The following PEX5 variants were observed in gnomAD, a reference collection of about 807,000 sequenced individuals.
The protein encoded by PEX5 is peroxisomal biogenesis factor 5, also known as PTS1 receptor.
Under a neutral mutation model 82.9 loss-of-function variants are expected in PEX5, and 52 were observed. That is an observed-to-expected ratio of 0.63 (90% CI 0.50 to 0.79). The LOEUF (loss-of-function observed/expected upper bound fraction) is 0.79, where lower values mean the gene tolerates loss of function less well. Ranked by LOEUF, PEX5 falls within the 30% of genes least tolerant of loss-of-function variation. The pLI is 0.00. For missense variants in PEX5, 719 were observed against 815.2 expected (o/e 0.88, Z 1.44); for synonymous variants, 300 against 318.8 (o/e 0.94, Z 0.63).
At position 7,201,825 on chromosome 12, in the gene PEX5, A is replaced by G. The variant is rs748132358; in HGVS notation, c.626A>G (p.Lys209Arg). 8.7e-6 allele frequency: 14 copies of G among 1,612,596 alleles called. No homozygotes were observed. Among genetic ancestry groups the G allele is most frequent in the Non-Finnish European group, 1.2e-5 (14 of 1,178,780 alleles). ...SDFVAKVDDPKLANSEFLKFV... is the reference protein window; with the variant it reads ...SDFVAKVDDPRLANSEFLKFV... ...TTTGTGGCCAAAGTGGATGACCCCA[A>G]ATTGGCTAATTCTGAGGTGAGCCAC... The change falls in exon 7 of 16, where the codon AAA becomes AGA. Residue 209 changes from lysine to arginine, a missense_variant. By Grantham distance (26) the Lys-to-Arg change is conservative (BLOSUM62 2). Transcript: ENST00000675855.
rs140330381 is a variant in PEX5, at chr12:7,209,170, T to C, written c.1560T>C (p.Asn520=). Residue 520 remains asparagine (N), a splice_region_variant and synonymous_variant, in exon 14 of 16, where the codon AAT becomes AAC. Transcript: ENST00000675855. ...CAGCTGCCCTCAGCGTTCGTCCCAATGTGAGCCCAGGGGAGGAATGGAAAT... is the reference window on the plus strand; with the variant it reads ...CAGCTGCCCTCAGCGTTCGTCCCAACGTGAGCCCAGGGGAGGAATGGAAAT... ...CFTAALSVRP[N]DYLLWNKLGA... is the part of the protein sequence containing the mutation. 48 of 1,613,514 alleles carry C rather than the reference T, an allele frequency of 3.0e-5. No individual in the cohort carries two copies. The highest frequency in any genetic ancestry group is 3.4e-4 in the Middle Eastern group (2 of 5,896).
chr12:7,207,109 TAAG>T (rs1944902212), intron 10 of PEX5, among the ~76,000 whole-genome samples: 3 of 152,196 alleles, frequency 2.0e-5, no homozygotes, highest in African/African-American at 7.2e-5. Context: ...TCATGATTAT[TAAG>T]AATGAAATCG....
chr12:7,198,939 C>T, intron 5 of PEX5, 72 bp from the exon 6 acceptor site: 1 of 797,654 alleles, frequency 1.3e-6, no homozygotes, highest in Admixed American at 2.0e-5. Flanking sequence ...TGAATATGGG[C>T]ATCTCTTTCC....
intron 17 of PEX5, among the ~76,000 whole-genome samples, chr12:7,217,336 T>C (rs1565734139): frequency 6.6e-6 from 1 of 152,228 alleles, no homozygotes; most frequent in Non-Finnish European, 1.5e-5. Context: ...AATAATTAAT[T>C]ATCTCTGACT....
At chr12:7,211,785 C>T (rs1945592257), downstream of PEX5, among the ~76,000 whole-genome samples, 1 of 152,100 alleles carries the variant, frequency 6.6e-6, no homozygotes, top group African/African-American at 2.4e-5. Flanking sequence ...GATAGTTTTT[C>T]AGTGCTTAGG....
intron 17 of PEX5, chr12:7,218,279 C>T (rs1409731503): frequency 6.6e-6 from 1 of 152,188 alleles, no homozygotes; most frequent in African/African-American, 2.4e-5. Flanking sequence ...GCAATTGAGA[C>T]ACTTTCTGGT....
intron 6 of PEX5, among the ~76,000 whole-genome samples, chr12:7,201,111 C>A (rs10770358): frequency 0.73 from 111,520 of 151,788 alleles, 41,735 homozygotes; most frequent in South Asian, 0.83. Context: ...CTTTAAAAAA[C>A]CAAAAGCGCA....
At chr12:7,190,727 C>T (rs950798499) in intron 2 of PEX5, 161 bp from the exon 3 acceptor site, 8 of 1,330,292 alleles carry the variant, frequency 6.0e-6, no homozygotes, top group African/African-American at 2.9e-5. Flanking sequence ...TAGTAGTTAC[C>T]ACTTACTGAG....
At position 7,208,669 on chromosome 12, in the gene PEX5, A is replaced by G. The variant is rs767902308; in HGVS notation, c.1394A>G (p.Asp465Gly). The part of the protein sequence containing the change: ...SKRILGSLLS[D>G]SLFLEVKELF... The stretch of plus-strand genomic sequence containing the variant: ...CGTATCCTGGGATCTCTCTTGTCTG[A>G]GTGAGTATGAGGGGTTCCTAGGATG... The change falls in exon 13 of 16, where the codon GAC (aspartate) becomes GGC (glycine). Residue 465 changes from aspartate to glycine, a missense_variant and splice_region_variant. Coordinates refer to ENST00000675855, the MANE Select transcript of PEX5 (RefSeq NM_001351132.2). 1.2e-6 allele frequency: 2 copies of G among 1,608,898 alleles called. No individual in the cohort carries two copies. Among genetic ancestry groups the G allele is most frequent in the South Asian group, 1.1e-5 (1 of 90,984 alleles).
In PEX5 at chr12:7,190,397, T is replaced by C. The variant is rs1195547649; in HGVS notation, c.20T>C (p.Val7Ala). ...GTCACCATGGCAATGCGGGAGCTGG[T>C]GGAGGCCGAATGCGGGGGTGCCAAC... is the stretch of plus-strand genomic sequence containing the variant. The part of the protein sequence containing the change: MAMREL[V>A]EAECGGANPL... The change falls in exon 2 of 16, where the codon GTG becomes GCG. Residue 7 changes from valine (V) to alanine (A), a missense_variant. Coordinates refer to ENST00000675855, the MANE Select transcript of PEX5 (RefSeq NM_001351132.2). 2 of 1,614,086 alleles carry C rather than the reference T, an allele frequency of 1.2e-6. No homozygotes were observed. Among genetic ancestry groups the C allele is most frequent in the African/African-American group, 1.3e-5 (1 of 74,942 alleles).
At chr12:7,195,388 G>T (rs1244904800) in intron 5 of PEX5, among the ~76,000 whole-genome samples, 1 of 152,110 alleles carries the variant, frequency 6.6e-6, no homozygotes, top group Admixed American at 6.6e-5. Context: ...TGAAGGCAGT[G>T]TGTTACTCTT....
rs773343590 is a variant in PEX5 at position 7,191,530 on chromosome 12, T to C, written c.317-39T>C. 3.1e-6 allele frequency: 5 copies of C among 1,612,202 alleles called. No homozygotes were observed. The South Asian group carries it at 5.5e-5, about 18-fold the overall frequency. ...TCTTTAGGCATGATGGAATGGTATG[T>C]ATGTATTCTTTCTTAGTTTTCTCTC... On this transcript the variant is annotated intron_variant, in intron 4 of 15. Transcript: ENST00000675855.
intron 10 of PEX5, among the ~76,000 whole-genome samples, chr12:7,204,091 T>G (rs1483799970): frequency 1.3e-5 from 2 of 152,252 alleles, no homozygotes; most frequent in African/African-American, 4.8e-5. Flanking sequence ...GATGATTGCA[T>G]TTTGCCTATA....
chr12:7,214,854 TATA>T (rs1266462047), downstream of PEX5, among the ~76,000 whole-genome samples: 2 of 152,270 alleles, frequency 1.3e-5, no homozygotes, highest in Admixed American at 6.5e-5. Context: ...TACCTATTAA[TATA>T]ATACTGATAA....
intron 17 of PEX5, among the ~76,000 whole-genome samples, chr12:7,217,456 TGGA>T (rs1403933443): frequency 1.3e-5 from 2 of 152,228 alleles, no homozygotes; most frequent in African/African-American, 4.8e-5. Context: ...TGTTCCAAGG[TGGA>T]GGAGAATTCC....
intron 5 of PEX5, among the ~76,000 whole-genome samples, chr12:7,197,380 A>G: frequency 7.1e-6 from 1 of 140,490 alleles, no homozygotes; most frequent in South Asian, 2.2e-4. Flanking sequence ...TATGTCATAT[A>G]CAATGTAATA....
chr12:7,207,942 A>C (rs1486434598), intron 11 of PEX5, 68 bp from the exon 12 acceptor site: 6 of 1,529,910 alleles, frequency 3.9e-6, no homozygotes, highest in Admixed American at 1.7e-5. Flanking sequence ...GGTGAGTGGG[A>C]GAAGCCAGGG....
Position 7,209,143 on chromosome 12 carries a change from C to T in PEX5, c.1533C>T (p.Phe511=), listed in dbSNP as rs2136244396. 6.2e-7 allele frequency: 1 copy of T among 1,614,030 alleles called. No homozygotes were observed. The highest frequency in any genetic ancestry group is 2.2e-5 in the East Asian group (1 of 44,878). ...SGEYDKAVDC[F]TAALSVRPND... ...AGTATGACAAGGCCGTGGACTGCTT[C>T]ACAGCTGCCCTCAGCGTTCGTCCCA... The change falls in exon 14 of 16, where the codon TTC becomes TTT. Residue 511 remains phenylalanine, a synonymous_variant. Coordinates refer to ENST00000675855, the MANE Select transcript of PEX5 (RefSeq NM_001351132.2).
At chr12:7,201,648 A>T (rs760274128) in intron 6 of PEX5, 103 bp from the exon 7 acceptor site, 1 of 842,494 alleles carries the variant, frequency 1.2e-6, no homozygotes, top group African/African-American at 1.7e-5. Flanking sequence ...AGGAGAATGG[A>T]GTTCCCTCAC....
Sources: allele counts gnomAD v4.1 joint callset (sites outside exome capture counted in the v4.1 genomes callset), GRCh38; gene constraint gnomAD v4.1.1; transcripts MANE v1.5; gene names NCBI Gene and HGNC (gene_info 2026-07-23, HGNC 2026-07-21).